PDE7B: variants seen among roughly 807,000 people sequenced by gnomAD.
PDE7B encodes the protein 3',5'-cyclic-AMP phosphodiesterase 7B.
In PDE7B, 29 loss-of-function variants were observed where a neutral mutation model predicts 56.2. That is an observed-to-expected ratio of 0.52 (90% confidence interval 0.38 to 0.70). The LOEUF (loss-of-function observed/expected upper bound fraction) is 0.70. PDE7B is among the 30% of genes least tolerant of loss of function. The probability of loss-of-function intolerance (pLI) is 0.00; values close to 1 mark genes in which losing one functional copy is unlikely to be tolerated. For missense variants in PDE7B, 490 were observed against 565.0 expected, an observed-to-expected ratio of 0.87 and a Z score of 1.35; for synonymous variants, 197 against 196.9, an observed-to-expected ratio of 1.00 and a Z score of 0.00.
intron 2 of PDE7B, among the ~76,000 whole-genome samples, chr6:136,001,499 G>A (rs1331105866): frequency 2.6e-5 from 4 of 152,264 alleles, no homozygotes; most frequent in South Asian, 2.1e-4. Flanking sequence ...ACAGAGAAGT[G>A]CTTAAAGGAG....
intron 2 of PDE7B, among the ~76,000 whole-genome samples, chr6:135,974,312 ATG>A (rs1775145847): frequency 7.1e-6 from 1 of 140,516 alleles, no homozygotes; most frequent in African/African-American, 2.4e-5. Flanking sequence ...TATCTTATAA[ATG>A]TGTGTATGTG....
intron 1 of PDE7B, among the ~76,000 whole-genome samples, chr6:135,865,669 A>G (rs1213341929): frequency 6.6e-6 from 1 of 151,364 alleles, no homozygotes; most frequent in Non-Finnish European, 1.5e-5. Context: ...AGAGAGAGAG[A>G]GAGAGACAGA....
intron 2 of PDE7B, among the ~76,000 whole-genome samples, chr6:135,967,684 A>G (rs1775019517): frequency 6.6e-6 from 1 of 152,188 alleles, no homozygotes; most frequent in Non-Finnish European, 1.5e-5. Flanking sequence ...CTTCATAAGA[A>G]TGAGGGATGC....
intron 2 of PDE7B, chr6:136,037,705 CAAGGGGGGAGCCCCTCTGTGAGGTTAGCA>C (rs1776347073): frequency 1.0e-6 from 1 of 985,450 alleles, no homozygotes; most frequent in African/African-American, 1.7e-5. Context: ...TGGCCTCCAG[CAAGGGGGGAGCCCCTCTGTGAGGTTAGCA>C]AAGGGGAAGC....
chr6:136,152,875 T>C (rs1271906582), intron 6 of PDE7B, among the ~76,000 whole-genome samples: 2 of 152,224 alleles, frequency 1.3e-5, no homozygotes, highest in Non-Finnish European at 2.9e-5. Context: ...CATATATTAA[T>C]AAACACATTT....
chr6:135,909,614 A>C (rs1776176147), intron 1 of PDE7B, among the ~76,000 whole-genome samples: 1 of 73,874 alleles, frequency 1.4e-5, no homozygotes, highest in Admixed American at 1.5e-4. Context: ...TCCACAAATA[A>C]ATAAATAATA....
intron 2 of PDE7B, among the ~76,000 whole-genome samples, chr6:135,972,168 A>G (rs1392283536): frequency 7.4e-6 from 1 of 135,742 alleles, no homozygotes; most frequent in African/African-American, 2.8e-5. Flanking sequence ...TGGGAGGCAG[A>G]GGTTGCAGTG....
chr6:136,020,150 G>A (rs1197557947), intron 2 of PDE7B, among the ~76,000 whole-genome samples: 1 of 152,088 alleles, frequency 6.6e-6, no homozygotes, highest in Non-Finnish European at 1.5e-5. Context: ...CCATAACCAG[G>A]TACTGTGACC....
At chr6:136,039,561 C>G (rs543754631) in intron 2 of PDE7B, among the ~76,000 whole-genome samples, 1 of 151,920 alleles carries the variant, frequency 6.6e-6, no homozygotes, top group Non-Finnish European at 1.5e-5. Flanking sequence ...ATGCCAGGAA[C>G]TTTTTTTAAG....
intron 1 of PDE7B, among the ~76,000 whole-genome samples, chr6:135,865,553 G>A (rs1775238212): frequency 6.6e-6 from 1 of 151,682 alleles, no homozygotes. Context: ...TGCTGCTGCT[G>A]CTGGTTGAAT....
intron 3 of PDE7B, among the ~76,000 whole-genome samples, chr6:136,118,959 T>C (rs1221010111): frequency 6.6e-6 from 1 of 152,204 alleles, no homozygotes; most frequent in East Asian, 1.9e-4. Flanking sequence ...AGACGCCAAA[T>C]GACAGACTGC....
chr6:136,173,757 C>A, intron 8 of PDE7B, 40 bp from the exon 9 acceptor site: 3 of 1,019,320 alleles, frequency 2.9e-6, no homozygotes, highest in Admixed American at 1.7e-5. Flanking sequence ...CAGTATCTGG[C>A]TTCCCTCTCA....
chr6:135,913,719 A>G (rs1210312908), intron 1 of PDE7B, among the ~76,000 whole-genome samples: 2 of 152,190 alleles, frequency 1.3e-5, no homozygotes, highest in Non-Finnish European at 2.9e-5. Context: ...ATAAAACCCT[A>G]GTTTTTTGTT....
At chr6:135,908,849 C>A (rs1015031458) in intron 1 of PDE7B, among the ~76,000 whole-genome samples, 10 of 151,908 alleles carry the variant, frequency 6.6e-5, no homozygotes, top group Non-Finnish European at 1.3e-4. Flanking sequence ...TCTGAATGGT[C>A]AAAAAAACAC....
intron 2 of PDE7B, among the ~76,000 whole-genome samples, chr6:136,074,895 G>A (rs1777106543): frequency 6.6e-6 from 1 of 152,172 alleles, no homozygotes; most frequent in East Asian, 1.9e-4. Flanking sequence ...ACATGGGAGT[G>A]CAGGGAGCTT....
chr6:136,110,805 A>C (rs1386793948), intron 3 of PDE7B, among the ~76,000 whole-genome samples: 1 of 151,274 alleles, frequency 6.6e-6, no homozygotes. Flanking sequence ...AGAGAAACTC[A>C]TTGCAGATAA....
intron 2 of PDE7B, among the ~76,000 whole-genome samples, chr6:135,975,220 TG>T (rs1386553095): frequency 6.6e-6 from 1 of 152,138 alleles, no homozygotes; most frequent in East Asian, 1.9e-4. Flanking sequence ...TGATAAATGT[TG>T]GCAACTAATA....
rs1249195605 is a variant in PDE7B, at chr6:136,108,876, C to T, written c.166+62C>T. On this transcript the variant is annotated intron_variant, in intron 3 of 12. Coordinates refer to ENST00000308191, the MANE Select transcript of PDE7B (RefSeq NM_018945.4). ...TTTCTTCAAAAAGAAAAAAAAAAAT[C>T]CTCATTTCCCTCTGAACTTCGAAAC... 1.3e-5 allele frequency: 13 copies of T among 1,019,368 alleles called. No individual in the cohort carries two copies. In the African/African-American group the frequency reaches 2.0e-4, roughly 16 times the overall value. 63.1% of individuals were successfully genotyped at this position (1,019,368 alleles called of 1,614,324 possible).
intron 9 of PDE7B, among the ~76,000 whole-genome samples, chr6:136,178,478 CTTAA>C (rs1779014800): frequency 6.6e-6 from 1 of 152,260 alleles, no homozygotes; most frequent in South Asian, 2.1e-4. Flanking sequence ...GTAACAGTGC[CTTAA>C]TTAGTTTTTG....
Sources: allele counts gnomAD v4.1 joint callset (sites outside exome capture counted in the v4.1 genomes callset), GRCh38; gene constraint gnomAD v4.1.1; transcripts MANE v1.5; gene names NCBI Gene and HGNC (gene_info 2026-07-23, HGNC 2026-07-21).